SNTG1: variants seen among roughly 807,000 people sequenced by gnomAD.
SNTG1 encodes the protein syntrophin gamma 1.
In SNTG1, 39 loss-of-function variants were observed where a neutral mutation model predicts 74.7. The observed-to-expected ratio is 0.52, with a 90% CI of 0.40 to 0.68. The LOEUF (loss-of-function observed/expected upper bound fraction) is 0.68, where lower values mean the gene tolerates loss of function less well. SNTG1 is among the 30% of genes least tolerant of loss of function. SNTG1 has a pLI of 0.00. For missense variants in SNTG1, 685 were observed against 609.5 expected, an observed-to-expected ratio of 1.12 and a Z score of -1.30; for synonymous variants, 254 against 217.1, an observed-to-expected ratio of 1.17 and a Z score of -1.49.
intron 12 of SNTG1, among the ~76,000 whole-genome samples, chr8:50,554,939 C>T (rs2094447345): frequency 6.6e-6 from 1 of 151,956 alleles, no homozygotes; most frequent in Non-Finnish European, 1.5e-5. Flanking sequence ...TATCTAGATC[C>T]AAATTTGCAT....
intron 15 of SNTG1, among the ~76,000 whole-genome samples, chr8:50,698,337 C>T (rs1217923892): frequency 2.0e-5 from 3 of 152,144 alleles, no homozygotes; most frequent in Non-Finnish European, 4.4e-5. Flanking sequence ...ACCACCTTCT[C>T]AACTTTGTCA....
chr8:49,982,635 AGTGT>A (rs35133955), intron 1 of SNTG1, among the ~76,000 whole-genome samples: 5 of 143,154 alleles, frequency 3.5e-5, no homozygotes, highest in East Asian at 2.0e-4. Context: ...AGCCCAAAAC[AGTGT>A]GTGTGTGTGT....
intron 1 of SNTG1, among the ~76,000 whole-genome samples, chr8:49,938,547 CTTTTCTTTTG>C (rs1227462232): frequency 2.3e-4 from 13 of 55,886 alleles, no homozygotes; most frequent in South Asian, 1.2e-3. Context: ...ACCATGCCTT[CTTTTCTTTTG>C]TTTTCTTTTC....
chr8:50,356,177 A>G (rs2091811587), intron 2 of SNTG1, among the ~76,000 whole-genome samples: 1 of 151,566 alleles, frequency 6.6e-6, no homozygotes, highest in Non-Finnish European at 1.5e-5. Flanking sequence ...CTATAGAGGG[A>G]TAGAAGTCAA....
At chr8:50,528,786 TTC>T (rs1408836961) in intron 9 of SNTG1, among the ~76,000 whole-genome samples, 1 of 151,778 alleles carries the variant, frequency 6.6e-6, no homozygotes, top group African/African-American at 2.4e-5. Context: ...AACTTGTATT[TTC>T]TGTCTCTTTT....
chr8:50,669,607 G>C (rs2095268789), intron 15 of SNTG1, among the ~76,000 whole-genome samples: 2 of 152,146 alleles, frequency 1.3e-5, no homozygotes, highest in Non-Finnish European at 2.9e-5. Flanking sequence ...AATTCTACCA[G>C]AGATACAAGG....
intron 2 of SNTG1, among the ~76,000 whole-genome samples, chr8:50,342,014 T>C (rs1587222419): frequency 6.6e-6 from 1 of 152,036 alleles, no homozygotes; most frequent in Non-Finnish European, 1.5e-5. Flanking sequence ...CATCATTTCA[T>C]CCAAGCCACT....
chr8:50,541,742 A>G (rs1038139145), intron 11 of SNTG1, among the ~76,000 whole-genome samples: 2 of 151,988 alleles, frequency 1.3e-5, no homozygotes, highest in African/African-American at 4.8e-5. Context: ...TTACTAAGCT[A>G]TTTAATACTA....
intron 2 of SNTG1, among the ~76,000 whole-genome samples, chr8:50,180,086 A>G (rs567354374): frequency 5.6e-4 from 85 of 152,230 alleles, no homozygotes; most frequent in Admixed American, 1.3e-3. Context: ...TACATAATAT[A>G]ATACTATTCA....
intron 2 of SNTG1, among the ~76,000 whole-genome samples, chr8:50,281,051 A>G (rs1030049294): frequency 6.6e-6 from 1 of 151,884 alleles, no homozygotes; most frequent in Non-Finnish European, 1.5e-5. Context: ...AGGGACGAGG[A>G]TTCTCTACAG....
chr8:50,752,335 C>A (rs1196021832), intron 18 of SNTG1, among the ~76,000 whole-genome samples: 2 of 151,992 alleles, frequency 1.3e-5, no homozygotes, highest in African/African-American at 4.8e-5. Context: ...AATTGCATTT[C>A]TTAGTTTTAA....
chr8:50,453,975 G>C (rs958828131), intron 8 of SNTG1, among the ~76,000 whole-genome samples: 2 of 152,128 alleles, frequency 1.3e-5, no homozygotes, highest in Non-Finnish European at 2.9e-5. Flanking sequence ...GTTCATTCTA[G>C]CAGTGTGTGT....
chr8:49,992,197 A>G (rs1331657827), intron 1 of SNTG1, among the ~76,000 whole-genome samples: 1 of 152,218 alleles, frequency 6.6e-6, no homozygotes. Context: ...GTATTGTAAT[A>G]GTTTTCAGAA....
At chr8:50,379,707 C>T (rs1232040302) in intron 2 of SNTG1, among the ~76,000 whole-genome samples, 2 of 152,172 alleles carry the variant, frequency 1.3e-5, no homozygotes, top group African/African-American at 4.8e-5. Flanking sequence ...CTCAGTAATC[C>T]CAAGGACTAC....
chr8:50,533,943 C>A lies in SNTG1; in HGVS notation c.550-2735C>A, dbSNP rs1028473635. Among the ~76,000 whole-genome samples, 7 of 152,110 alleles carry A rather than the reference C, an allele frequency of 4.6e-5. No homozygotes were observed. The East Asian group carries it at 7.7e-4, about 17-fold the overall frequency. On this transcript the variant is annotated intron_variant, in intron 10 of 18. Coordinates refer to ENST00000642720, the MANE Select transcript of SNTG1 (RefSeq NM_018967.5). ...TTAGTCAGTCCTCAACATCTCATTA[C>A]CCATATCTTTAACAATCTTTGACAT... is the stretch of plus-strand genomic sequence containing the variant.
intron 13 of SNTG1, among the ~76,000 whole-genome samples, chr8:50,619,480 C>T (rs1042556968): frequency 6.6e-6 from 1 of 152,112 alleles, no homozygotes; most frequent in Non-Finnish European, 1.5e-5. Context: ...GCCTGTAATC[C>T]CAGCTCTTTG....
chr8:50,553,718 T>C (rs1234837211), intron 12 of SNTG1, among the ~76,000 whole-genome samples: 1 of 152,200 alleles, frequency 6.6e-6, no homozygotes, highest in Non-Finnish European at 1.5e-5. Flanking sequence ...CATTCCTGTG[T>C]CTCTTTATTG....
chr8:50,688,842 T>C (rs1314003813), intron 15 of SNTG1, among the ~76,000 whole-genome samples: 2 of 151,772 alleles, frequency 1.3e-5, no homozygotes, highest in East Asian at 1.9e-4. Context: ...ATAAATTACC[T>C]TGGACAGTAT....
At chr8:50,509,960 A>G (rs1483556431) in intron 9 of SNTG1, among the ~76,000 whole-genome samples, 2 of 152,160 alleles carry the variant, frequency 1.3e-5, no homozygotes, top group Admixed American at 1.3e-4. Flanking sequence ...TATGTTGAAT[A>G]GGAGTGGTGA....
Sources: allele counts gnomAD v4.1 joint callset (sites outside exome capture counted in the v4.1 genomes callset), GRCh38; gene constraint gnomAD v4.1.1; transcripts MANE v1.5; gene names NCBI Gene and HGNC (gene_info 2026-07-23, HGNC 2026-07-21).